Variants in ROR2 observed in about 807,000 individuals in gnomAD.
The protein encoded by ROR2 is ROR family WNT receptor 2, also known as tyrosine-protein kinase transmembrane receptor ROR2.
In ROR2, 33 loss-of-function variants were observed where a neutral mutation model predicts 74.9. That is an observed-to-expected ratio of 0.44 (90% CI 0.33 to 0.59). The LOEUF (loss-of-function observed/expected upper bound fraction) is 0.59, where lower values mean the gene tolerates loss of function less well. Among genes scored for constraint, ROR2 ranks in the 20% least tolerant of loss-of-function variants. The pLI is 0.02. For missense variants in ROR2, 1,216 were observed against 1,313.8 expected, an observed-to-expected ratio of 0.93 and a Z score of 1.15; for synonymous variants, 586 against 558.7, an observed-to-expected ratio of 1.05 and a Z score of -0.69.
At chr9:91,791,786 A>G (rs1826989379) in intron 1 of ROR2, among the ~76,000 whole-genome samples, 1 of 152,200 alleles carries the variant, frequency 6.6e-6, no homozygotes, top group African/African-American at 2.4e-5. Context: ...GTTTTTCCTA[A>G]GTGCACATAA....
Position 91,731,153 on chromosome 9 carries a change from G to T in ROR2, c.940C>A (p.His314Asn). 8 of 1,613,966 alleles carry T rather than the reference G, an allele frequency of 5.0e-6. No individual in the cohort carries two copies. Among genetic ancestry groups the T allele is most frequent in the Non-Finnish European group, 6.8e-6 (8 of 1,180,010 alleles). Residue 314 changes from histidine to asparagine, a missense_variant and splice_region_variant, in exon 7 of 9, where the codon CAT (histidine) becomes AAT (asparagine). Physicochemically the swap from His to Asn is moderately conservative, Grantham distance 68. Transcript: ENST00000375708. ...GIPAERLGRY[H>N]QCYNGSGMDY... ...ATGCCTGAGCCGTTATAGCACTGAT[G>T]GTCTGAACAAGGAAAACACGTTAGG...
chr9:91,852,651 C>CA (rs1231343818), intron 1 of ROR2, among the ~76,000 whole-genome samples: 3,636 of 143,216 alleles, frequency 0.025, 63 homozygotes, highest in African/African-American at 0.031. Flanking sequence ...ACACACACAC[C>CA]CACACACACA....
At chr9:91,817,354 C>A (rs1395575219) in intron 1 of ROR2, among the ~76,000 whole-genome samples, 1 of 152,220 alleles carries the variant, frequency 6.6e-6, no homozygotes, top group Non-Finnish European at 1.5e-5. Flanking sequence ...CCTGGTAAAT[C>A]CCAGACCAAT....
At chr9:91,840,750 T>C (rs1563992889) in intron 1 of ROR2, among the ~76,000 whole-genome samples, 1 of 152,140 alleles carries the variant, frequency 6.6e-6, no homozygotes, top group Non-Finnish European at 1.5e-5. Context: ...CTCTCAACTG[T>C]CTCCCAGGCA....
intron 1 of ROR2, among the ~76,000 whole-genome samples, chr9:91,793,879 G>A (rs1827086543): frequency 6.6e-6 from 1 of 152,172 alleles, no homozygotes; most frequent in Non-Finnish European, 1.5e-5. Flanking sequence ...GGATAGGAAA[G>A]AGAGTTCATG....
intron 1 of ROR2, among the ~76,000 whole-genome samples, chr9:91,805,502 C>G (rs1034322113): frequency 6.6e-6 from 1 of 152,206 alleles, no homozygotes; most frequent in Non-Finnish European, 1.5e-5. Flanking sequence ...TCAGCTAGAG[C>G]AGGAAGCCTA....
At chr9:91,881,031 T>C (rs1372143472) in intron 1 of ROR2, among the ~76,000 whole-genome samples, 1 of 152,148 alleles carries the variant, frequency 6.6e-6, no homozygotes, top group Non-Finnish European at 1.5e-5. Context: ...CTAAAGCATT[T>C]TGGGGGTAAT....
intron 1 of ROR2, among the ~76,000 whole-genome samples, chr9:91,890,268 G>A (rs960170524): frequency 1.1e-4 from 17 of 152,338 alleles, no homozygotes; most frequent in African/African-American, 2.2e-4. Flanking sequence ...ACAGGGGCCA[G>A]GGAGCCACTG....
chr9:91,891,281 A>T (rs1290957032), intron 1 of ROR2, among the ~76,000 whole-genome samples: 4 of 139,246 alleles, frequency 2.9e-5, no homozygotes, highest in African/African-American at 1.1e-4. Context: ...TTCTTTTGAG[A>T]TGGAGTCTCA....
intron 1 of ROR2, among the ~76,000 whole-genome samples, chr9:91,896,766 A>G (rs1027640022): frequency 7.9e-5 from 12 of 152,332 alleles, no homozygotes; most frequent in African/African-American, 2.4e-4. Flanking sequence ...TGATTAAACA[A>G]AACAATGTTC....
At chr9:91,947,687 A>G (rs1832046673) in intron 1 of ROR2, among the ~76,000 whole-genome samples, 1 of 152,182 alleles carries the variant, frequency 6.6e-6, no homozygotes, top group Non-Finnish European at 1.5e-5. Context: ...ATAGTCCCAA[A>G]TCAGTATTTG....
In ROR2 at chr9:91,796,031, A is replaced by C. The variant is rs190242650; in HGVS notation, c.98-20213T>G. Among the ~76,000 whole-genome samples the C allele has an allele frequency of 4.4e-3, 667 of 152,308 alleles. 3 individuals carry two copies. Among genetic ancestry groups the C allele is most frequent in the Admixed American group, 9.2e-3 (141 of 15,296 alleles). On this transcript the variant is annotated intron_variant, in intron 1 of 8. Transcript: ENST00000375708. Reference sequence around the variant, plus strand: ...TCCCAGGCAAAGATCCCCAGGCTGGAGGAGTTGGCGCCTGAAGAAAACCAG... The same window carrying C: ...TCCCAGGCAAAGATCCCCAGGCTGGCGGAGTTGGCGCCTGAAGAAAACCAG...
intron 5 of ROR2, among the ~76,000 whole-genome samples, chr9:91,734,277 T>C (rs1048554380): frequency 6.6e-6 from 1 of 152,140 alleles, no homozygotes; most frequent in Non-Finnish European, 1.5e-5. Context: ...TACCCCATTT[T>C]CACCTGTGAA....
At chr9:91,827,478 G>T (rs1037829204) in intron 1 of ROR2, among the ~76,000 whole-genome samples, 5 of 152,226 alleles carry the variant, frequency 3.3e-5, no homozygotes, top group Middle Eastern at 3.4e-3. Context: ...TCCTGCTTCT[G>T]AACACTAGGT....
intron 1 of ROR2, among the ~76,000 whole-genome samples, chr9:91,844,917 A>G (rs1828880896): frequency 6.6e-6 from 1 of 152,208 alleles, no homozygotes; most frequent in South Asian, 2.1e-4. Context: ...GGGAAATGTC[A>G]TTCCTGCATT....
intron 4 of ROR2, among the ~76,000 whole-genome samples, chr9:91,738,888 T>C (rs1056917150): frequency 2.6e-5 from 4 of 152,084 alleles, no homozygotes; most frequent in Non-Finnish European, 4.4e-5. Flanking sequence ...AGGTTGGAGT[T>C]TGTGCTGAAT....
chr9:91,792,374 C>G (rs888834180), intron 1 of ROR2, among the ~76,000 whole-genome samples: 1 of 99,602 alleles, frequency 1.0e-5, no homozygotes, highest in Non-Finnish European at 1.8e-5. Flanking sequence ...GTAGTGCAAT[C>G]TCAGCTCACT....
At position 91,724,724 on chromosome 9, in the gene ROR2, G is replaced by C; in HGVS notation, c.1770C>G (p.Pro590=). The change falls in exon 9 of 9, where the codon CCC becomes CCG. Residue 590 remains proline, a synonymous_variant. Coordinates refer to ENST00000375708, the MANE Select transcript of ROR2 (RefSeq NM_004560.4). ...DRTVKSALEP[P]DFVHLVAQIA... ...TCTGTGCCACAAGGTGCACGAAGTC[G>C]GGGGGCTCCAGGGCGGACTTCACCG... is the stretch of plus-strand genomic sequence containing the variant. 1.2e-6 allele frequency: 2 copies of C among 1,614,108 alleles called. No homozygotes were observed. Among genetic ancestry groups the C allele is most frequent in the Non-Finnish European group, 1.7e-6 (2 of 1,180,030 alleles).
intron 7 of ROR2, among the ~76,000 whole-genome samples, chr9:91,727,690 T>A (rs999533374): frequency 2.0e-5 from 3 of 147,044 alleles, no homozygotes; most frequent in Non-Finnish European, 2.9e-5. Flanking sequence ...CACGGTGTTC[T>A]GTTTTCTCCT....
Sources: gnomAD v4.1 joint callset for allele counts (sites outside exome capture counted in the v4.1 genomes callset) on GRCh38, gnomAD v4.1.1 for gene constraint, MANE v1.5 for transcripts, NCBI Gene and HGNC (gene_info 2026-07-23, HGNC 2026-07-21) for gene names.